The following ARHGEF38 variants were observed in gnomAD, a reference collection of about 807,000 sequenced individuals.
ARHGEF38 encodes the protein Rho guanine nucleotide exchange factor (GEF) 38.
In ARHGEF38, 79 loss-of-function variants were observed where a neutral mutation model predicts 79.9. That is an observed-to-expected ratio of 0.99 (90% CI 0.82 to 1.19). The LOEUF (loss-of-function observed/expected upper bound fraction) is 1.19, where lower values mean the gene tolerates loss of function less well. ARHGEF38 is among the 50% of genes most tolerant of loss of function. The probability of loss-of-function intolerance (pLI) is 0.00; values close to 1 mark genes in which losing one functional copy is unlikely to be tolerated. For missense variants in ARHGEF38, 962 were observed against 907.2 expected, an observed-to-expected ratio of 1.06 and a Z score of -0.78; for synonymous variants, 366 against 328.3, an observed-to-expected ratio of 1.11 and a Z score of -1.24.
intron 10 of ARHGEF38, among the ~76,000 whole-genome samples, chr4:105,660,409 A>G (rs115248788): frequency 0.014 from 2,203 of 152,054 alleles, 51 homozygotes; most frequent in African/African-American, 0.049. Flanking sequence ...TGCATCTATA[A>G]TAGTACATAA....
Position 105,589,233 on chromosome 4 carries a change from G to T in ARHGEF38, c.197-15G>T, listed in dbSNP as rs1727202400. On this transcript the variant is annotated splice_polypyrimidine_tract_variant and intron_variant, in intron 1 of 13. Coordinates refer to ENST00000420470, the MANE Select transcript of ARHGEF38 (RefSeq NM_001242729.2). ...TCAGCAGAATGCCTCACCTGTATAT[G>T]TTTTCATTTAACAGAAAAGATGACT... The T allele has an allele frequency of 6.2e-7, 1 of 1,601,270 alleles. No individual in the cohort carries two copies. Among genetic ancestry groups the T allele is most frequent in the Non-Finnish European group, 8.5e-7 (1 of 1,175,982 alleles).
rs1174727089 is a variant in ARHGEF38 at position 105,594,376 on chromosome 4, A to G, written c.384+4941A>G. ...GCACAAACCACCTGTCATCACTGTCAAAATGTGTAGATTAACACATACAGT... is the reference window on the plus strand; with the variant it reads ...GCACAAACCACCTGTCATCACTGTCGAAATGTGTAGATTAACACATACAGT... On this transcript the variant is annotated intron_variant, in intron 2 of 13. Coordinates refer to ENST00000420470, the MANE Select transcript of ARHGEF38 (RefSeq NM_001242729.2). Among the ~76,000 whole-genome samples the G allele has an allele frequency of 2.6e-5, 4 of 152,334 alleles. No individual in the cohort carries two copies. In the East Asian group the frequency reaches 7.7e-4, roughly 29 times the overall value.
chr4:105,578,055 C>T (rs1229939071), intron 1 of ARHGEF38, among the ~76,000 whole-genome samples: 1 of 151,990 alleles, frequency 6.6e-6, no homozygotes, highest in African/African-American at 2.4e-5. Flanking sequence ...TTAATGTGGT[C>T]GTTTAGCACT....
chr4:105,563,335 G>C (rs1409471696), intron 1 of ARHGEF38: 2 of 152,146 alleles, frequency 1.3e-5, no homozygotes, highest in African/African-American at 4.8e-5. Flanking sequence ...CCAGGCAGAG[G>C]GATTATGCTG....
intron 1 of ARHGEF38, among the ~76,000 whole-genome samples, chr4:105,555,496 T>C (rs896168663): frequency 4.6e-5 from 7 of 152,148 alleles, no homozygotes; most frequent in African/African-American, 1.7e-4. Context: ...TAAATCACCT[T>C]AAGAAGCTCT....
chr4:105,626,113 A>G (rs1728934573), intron 3 of ARHGEF38, among the ~76,000 whole-genome samples: 1 of 152,226 alleles, frequency 6.6e-6, no homozygotes, highest in Non-Finnish European at 1.5e-5. Context: ...TCCTAGATTA[A>G]TATATCCAAT....
At chr4:105,622,360 T>C (rs1405721463) in intron 3 of ARHGEF38, among the ~76,000 whole-genome samples, 1 of 152,170 alleles carries the variant, frequency 6.6e-6, no homozygotes, top group Non-Finnish European at 1.5e-5. Flanking sequence ...TGTGAGTTCC[T>C]GAACACTTTC....
At chr4:105,641,308 A>G (rs1457409795) in intron 5 of ARHGEF38, among the ~76,000 whole-genome samples, 1 of 152,146 alleles carries the variant, frequency 6.6e-6, no homozygotes, top group Non-Finnish European at 1.5e-5. Flanking sequence ...CAGTGACTGT[A>G]ATTGATTAAC....
chr4:105,648,539 T>C lies in ARHGEF38; in HGVS notation c.875-10T>C. 2 of 1,497,048 alleles carry C rather than the reference T, an allele frequency of 1.3e-6. No homozygotes were observed. The highest frequency in any genetic ancestry group is 1.8e-6 in the Non-Finnish European group (2 of 1,130,290). The allele number at this position is 1,497,048 out of a possible 1,614,324, so 92.7% of individuals were successfully genotyped here. ...GTGTTCAGCTACGTTATTACATTCT[T>C]CCTTTTCAGTTCTAAAATACAAGAA... On this transcript the variant is annotated splice_polypyrimidine_tract_variant and intron_variant, in intron 6 of 13. Coordinates refer to ENST00000420470, the MANE Select transcript of ARHGEF38 (RefSeq NM_001242729.2).
intron 5 of ARHGEF38, among the ~76,000 whole-genome samples, chr4:105,639,148 G>A (rs1478533575): frequency 6.6e-6 from 1 of 151,146 alleles, no homozygotes; most frequent in African/African-American, 2.4e-5. Context: ...ATTTTAATTT[G>A]CATTTTTCCT....
chr4:105,672,493 G>A (rs905353072), intron 13 of ARHGEF38, among the ~76,000 whole-genome samples: 1 of 152,012 alleles, frequency 6.6e-6, no homozygotes, highest in African/African-American at 2.4e-5. Flanking sequence ...TTGCTATATC[G>A]AAGAATATAA....
chr4:105,627,646 A>G (rs759197121), intron 3 of ARHGEF38, among the ~76,000 whole-genome samples: 1 of 152,160 alleles, frequency 6.6e-6, no homozygotes, highest in African/African-American at 2.4e-5. Flanking sequence ...TATTTATTTT[A>G]CAGGATTCTG....
At chr4:105,648,852 C>T (rs993440739) in intron 7 of ARHGEF38, among the ~76,000 whole-genome samples, 170 bp downstream of exon 7, 2 of 146,852 alleles carry the variant, frequency 1.4e-5, no homozygotes, top group Admixed American at 6.7e-5. Flanking sequence ...CTCTCTTTCT[C>T]TCTCTCTCTC....
intron 2 of ARHGEF38, among the ~76,000 whole-genome samples, chr4:105,593,970 A>G (rs1167725074): frequency 1.3e-5 from 2 of 152,062 alleles, no homozygotes; most frequent in Non-Finnish European, 2.9e-5. Flanking sequence ...AGGTTGTTTT[A>G]TTTGAATTGT....
intron 9 of ARHGEF38, 90 bp from the exon 10 acceptor site, chr4:105,658,964 T>A: frequency 8.7e-7 from 1 of 1,145,372 alleles, no homozygotes. Context: ...GTGCTTCTCG[T>A]GGGGGAAAAG....
intron 1 of ARHGEF38, among the ~76,000 whole-genome samples, chr4:105,570,656 T>A (rs950429105): frequency 3.3e-5 from 5 of 152,138 alleles, no homozygotes; most frequent in African/African-American, 4.8e-5. Flanking sequence ...GGGGTAACCA[T>A]CCTTGTAACC....
chr4:105,571,071 A>G (rs80089645), intron 1 of ARHGEF38, among the ~76,000 whole-genome samples: 7,066 of 152,258 alleles, frequency 0.046, 212 homozygotes, highest in Non-Finnish European at 0.07. Context: ...GCTTAGAAAG[A>G]TGAAAACATT....
At chr4:105,652,942 T>C (rs1267631550) in intron 7 of ARHGEF38, among the ~76,000 whole-genome samples, 3 of 152,172 alleles carry the variant, frequency 2.0e-5, no homozygotes, top group African/African-American at 7.2e-5. Context: ...CTCTTAAATT[T>C]AAAAACAGAT....
intron 13 of ARHGEF38, among the ~76,000 whole-genome samples, chr4:105,672,019 G>A (rs1313080745): frequency 1.3e-5 from 2 of 152,102 alleles, no homozygotes; most frequent in African/African-American, 4.8e-5. Flanking sequence ...TCATACTCAG[G>A]GGGTATCTTT....
Sources: allele counts gnomAD v4.1 joint callset (sites outside exome capture counted in the v4.1 genomes callset), GRCh38; gene constraint gnomAD v4.1.1; transcripts MANE v1.5; gene names NCBI Gene and HGNC (gene_info 2026-07-23, HGNC 2026-07-21).